CNTN5: variants seen among roughly 807,000 people sequenced by gnomAD.
CNTN5 encodes contactin 5.
Under a neutral mutation model 129.1 loss-of-function variants are expected in CNTN5, and 77 were observed. That is an observed-to-expected ratio of 0.60 (90% CI 0.50 to 0.72). CNTN5 has a LOEUF of 0.72. Ranked by LOEUF, CNTN5 falls within the 30% of genes least tolerant of loss-of-function variation. CNTN5 has a pLI of 0.00. For synonymous variants in CNTN5, 509 were observed against 465.6 expected, an observed-to-expected ratio of 1.09 and a Z score of -1.20; for missense variants, 1,478 against 1,328.8, an observed-to-expected ratio of 1.11 and a Z score of -1.75.
chr11:99,548,193 T>G (rs2135514914), intron 2 of CNTN5, among the ~76,000 whole-genome samples: 1 of 152,330 alleles, frequency 6.6e-6, no homozygotes, highest in African/African-American at 2.4e-5. Flanking sequence ...GTTTTTGATT[T>G]AATAGAAAGA....
chr11:99,717,597 A>G (rs924778895), intron 3 of CNTN5, among the ~76,000 whole-genome samples: 10 of 152,086 alleles, frequency 6.6e-5, no homozygotes, highest in Non-Finnish European at 8.8e-5. Flanking sequence ...CGAATCAAGC[A>G]TTTTTTAATC....
intron 13 of CNTN5, among the ~76,000 whole-genome samples, chr11:100,076,679 T>C (rs1944141359): frequency 6.6e-6 from 1 of 152,014 alleles, no homozygotes; most frequent in Admixed American, 6.6e-5. Flanking sequence ...TAATTTTTTT[T>C]TTTAATTTAT....
Position 99,198,137 on chromosome 11 carries a change from T to C in CNTN5, c.-209-127209T>C, listed in dbSNP as rs1422722799. On this transcript the variant is annotated intron_variant, in intron 1 of 24. Transcript: ENST00000524871. ...ATTCATTTGCTCTACAAAAAACAAA[T>C]GCTCACCCTGTTTTTTGCTTAAATT... Among the ~76,000 whole-genome samples the C allele has an allele frequency of 2.0e-5, 3 of 152,082 alleles. No homozygotes were observed. In the East Asian group the frequency reaches 5.8e-4, roughly 29 times the overall value.
rs536739574 is a variant in CNTN5 at position 100,341,212 on chromosome 11, A to G, written c.3030+7A>G. On this transcript the variant is annotated splice_region_variant and intron_variant, in intron 23 of 24. Coordinates refer to ENST00000524871, the MANE Select transcript of CNTN5 (RefSeq NM_014361.4). The stretch of plus-strand genomic sequence containing the variant: ...TGAAGTTGTGGGTTACAAGGTCAGT[A>G]TTTCTTCACTCTTTTGCATAGATAC... 9 of 1,583,726 alleles carry G rather than the reference A, an allele frequency of 5.7e-6. No homozygotes were observed. The South Asian group carries it at 7.7e-5, about 14-fold the overall frequency.
chr11:99,727,685 A>G (rs1273515458), intron 3 of CNTN5, among the ~76,000 whole-genome samples: 2 of 152,200 alleles, frequency 1.3e-5, no homozygotes, highest in African/African-American at 2.4e-5. Context: ...GAAAAAAATG[A>G]AGAGATATAT....
intron 2 of CNTN5, among the ~76,000 whole-genome samples, chr11:99,483,046 C>T (rs1017392907): frequency 6.6e-6 from 1 of 151,312 alleles, no homozygotes; most frequent in African/African-American, 2.4e-5. Flanking sequence ...TGGGGTGGCC[C>T]GTGCCAGTAG....
At chr11:99,958,710 C>A (rs1268178344) in intron 8 of CNTN5, among the ~76,000 whole-genome samples, 2 of 152,144 alleles carry the variant, frequency 1.3e-5, no homozygotes, top group East Asian at 3.9e-4. Flanking sequence ...TGAATTAATT[C>A]TCTATAAGCT....
chr11:99,378,701 T>C (rs953116807), intron 2 of CNTN5, among the ~76,000 whole-genome samples: 11 of 152,056 alleles, frequency 7.2e-5, no homozygotes, highest in African/African-American at 2.7e-4. Context: ...TACTCTGTAG[T>C]ATGGATGACT....
chr11:99,382,243 T>G (rs985050507), intron 2 of CNTN5, among the ~76,000 whole-genome samples: 1 of 152,076 alleles, frequency 6.6e-6, no homozygotes, highest in Non-Finnish European at 1.5e-5. Context: ...AGAGGAAGCA[T>G]AGATACAAAC....
rs562531308 is a variant in CNTN5 at position 99,341,086 on chromosome 11, T to C, written c.-71+15602T>C. Among the ~76,000 whole-genome samples the C allele has an allele frequency of 3.3e-5, 5 of 152,220 alleles. No homozygotes were observed. In the East Asian group the frequency reaches 5.8e-4, roughly 18 times the overall value. Reference sequence around the variant, plus strand: ...TTATTATGTTTGCATCTCATACCTTTTGTAAATTAGATAAAAGCCTAACAA... The same window carrying C: ...TTATTATGTTTGCATCTCATACCTTCTGTAAATTAGATAAAAGCCTAACAA... On this transcript the variant is annotated intron_variant, in intron 2 of 24. Coordinates refer to ENST00000524871, the MANE Select transcript of CNTN5 (RefSeq NM_014361.4).
At chr11:99,151,585 T>C (rs1468796818) in intron 1 of CNTN5, among the ~76,000 whole-genome samples, 1 of 152,158 alleles carries the variant, frequency 6.6e-6, no homozygotes, top group Non-Finnish European at 1.5e-5. Flanking sequence ...AGAAAATGTA[T>C]ATCAAGAAAA....
rs1861478247 is a variant in CNTN5, at chr11:99,240,176, T to G, written c.-209-85170T>G. Among the ~76,000 whole-genome samples the G allele has an allele frequency of 2.6e-5, 4 of 151,516 alleles. 2 individuals are homozygous for G. In the South Asian group the frequency reaches 8.3e-4, roughly 31 times the overall value. ...ATGGTGAAAACTTGGTATTGAATAA[T>G]TGGGGGAGGTTTTCCTCTTTTGGCT... On this transcript the variant is annotated intron_variant, in intron 1 of 24. Coordinates refer to ENST00000524871, the MANE Select transcript of CNTN5 (RefSeq NM_014361.4).
chr11:99,880,563 T>C (rs1189830813), intron 6 of CNTN5, among the ~76,000 whole-genome samples: 3 of 152,092 alleles, frequency 2.0e-5, no homozygotes, highest in Non-Finnish European at 4.4e-5. Flanking sequence ...CACAAGCAGC[T>C]CCCAAGAGAC....
At chr11:99,939,495 A>G (rs1000202222) in intron 7 of CNTN5, among the ~76,000 whole-genome samples, 3 of 152,138 alleles carry the variant, frequency 2.0e-5, no homozygotes, top group African/African-American at 7.2e-5. Context: ...ATTTATGCAG[A>G]ATCAAACAAC....
At chr11:100,269,806 A>G (rs1950374565) in intron 17 of CNTN5, among the ~76,000 whole-genome samples, 1 of 152,144 alleles carries the variant, frequency 6.6e-6, no homozygotes, top group African/African-American at 2.4e-5. Flanking sequence ...ACTTGAGATG[A>G]CTTATATAAG....
intron 6 of CNTN5, among the ~76,000 whole-genome samples, chr11:99,856,499 A>G (rs1378438992): frequency 6.6e-6 from 1 of 152,190 alleles, no homozygotes; most frequent in Non-Finnish European, 1.5e-5. Context: ...GTCTAAGTGT[A>G]GCCTCAGATG....
At position 99,923,757 on chromosome 11, in the gene CNTN5, G is replaced by GTCTGTCTATCTATCTATCTA. The variant is rs71050033; in HGVS notation, c.673+7611_673+7612insGTCTATCTATCTATCTATCT. 6.0e-3 allele frequency among the ~76,000 whole-genome samples: 842 copies of GTCTGTCTATCTATCTATCTA among 140,680 alleles called. 5 individuals carry two copies. The highest frequency in any genetic ancestry group is 8.9e-3 in the Non-Finnish European group (583 of 65,396). The allele number at this position is 140,680 out of a possible 152,430, so 92.3% of individuals were successfully genotyped here. A position where few individuals can be genotyped will look rare whatever the true frequency, so the allele number is the denominator to read the frequency against. ...ATCTGTCTATCTAATCTATCTGTCT[G>GTCTGTCTATCTATCTATCTA]TCTATCTATCTATCTATCTATCTAT... On this transcript the variant is annotated intron_variant, in intron 7 of 24. Coordinates refer to ENST00000524871, the MANE Select transcript of CNTN5 (RefSeq NM_014361.4).
intron 2 of CNTN5, among the ~76,000 whole-genome samples, chr11:99,535,181 G>GGGA (rs1947856223): frequency 1.3e-5 from 2 of 152,138 alleles, no homozygotes; most frequent in African/African-American, 4.8e-5. Flanking sequence ...ACAAACTGGA[G>GGGA]GGAGACAAGT....
At chr11:99,835,498 C>G (rs1947273942) in intron 4 of CNTN5, among the ~76,000 whole-genome samples, 1 of 152,090 alleles carries the variant, frequency 6.6e-6, no homozygotes, top group Non-Finnish European at 1.5e-5. Flanking sequence ...AGTCAAAGAG[C>G]TGACATAATG....
Sources: allele counts gnomAD v4.1 joint callset (sites outside exome capture counted in the v4.1 genomes callset), GRCh38; gene constraint gnomAD v4.1.1; transcripts MANE v1.5; gene names NCBI Gene and HGNC (gene_info 2026-07-23, HGNC 2026-07-21).